The following TNRC6C variants were observed in gnomAD, a reference collection of about 807,000 sequenced individuals.
TNRC6C encodes trinucleotide repeat containing adaptor 6C.
Under a neutral mutation model 153.7 loss-of-function variants are expected in TNRC6C, and 20 were observed. The ratio of observed to expected loss-of-function variants is 0.13; its 90% confidence interval spans 0.09 to 0.19. The LOEUF is 0.19. TNRC6C is among the 10% of genes least tolerant of loss of function. TNRC6C has a pLI of 1.00. For missense variants in TNRC6C, 1,987 were observed against 2,172.0 expected (o/e 0.91, Z 1.69); for synonymous variants, 811 against 841.4 (o/e 0.96, Z 0.63).
chr17:78,104,678 C>G lies in TNRC6C; in HGVS notation c.4906C>G (p.Pro1636Ala). The G allele has an allele frequency of 1.3e-6, 2 of 1,542,416 alleles. No individual in the cohort carries two copies. Among genetic ancestry groups the G allele is most frequent in the East Asian group, 2.5e-5 (1 of 40,814 alleles). The change falls in exon 20 of 20, where the codon CCG becomes GCG. Residue 1636 changes from proline (P) to alanine (A), a missense_variant. Pro to Ala is a conservative substitution (Grantham distance 27). This residue lies in a region of TNRC6C where 139 missense variants were observed against 148.5 expected (regional missense o/e 0.94). Coordinates refer to ENST00000301624, the Ensembl canonical transcript of TNRC6C. This position sits in a 1 kb window ranked among gnomAD's most constrained non-coding sequence, Gnocchi z 6.2. ...CAGCGACGCTGGCCACTGGAACGCC[C>G]CGTGCCTGGGTGGCAAGGGGAGCAG...
Position 78,102,459 on chromosome 17 carries a change from C to T in TNRC6C, c.4502-15C>T, listed in dbSNP as rs533443310. 1.9e-6 allele frequency: 3 copies of T among 1,601,842 alleles called. No homozygotes were observed. In the South Asian group the frequency reaches 3.4e-5, roughly 18 times the overall value. On this transcript the variant is annotated splice_polypyrimidine_tract_variant and intron_variant, in intron 17 of 19. Coordinates refer to ENST00000301624, the Ensembl canonical transcript of TNRC6C. ...CACGGGGCCTTGTCAACCAGGTTCT[C>T]CCCTCTTGTTGCAGGTTCTGCCTGG...
chr17:78,093,374 G>A, intron 15 of TNRC6C: 1 of 664,166 alleles, frequency 1.5e-6, no homozygotes, highest in Non-Finnish European at 2.5e-6. Context: ...GAAGCACACT[G>A]CACACTATCC....
chr17:78,003,672 G>A (rs911076972), upstream of TNRC6C, among the ~76,000 whole-genome samples: 1 of 152,128 alleles, frequency 6.6e-6, no homozygotes, highest in Non-Finnish European at 1.5e-5. Flanking sequence ...AGAACTGAAA[G>A]GTATGAGCTG....
At chr17:78,097,144 G>A (rs2073501992) in intron 16 of TNRC6C, among the ~76,000 whole-genome samples, 1 of 152,194 alleles carries the variant, frequency 6.6e-6, no homozygotes, top group South Asian at 2.1e-4. Context: ...AGCCCAGGAG[G>A]TTGAGGCTGC....
chr17:78,013,591 T>TA (rs1354309887), intron 1 of TNRC6C, among the ~76,000 whole-genome samples: 2 of 152,218 alleles, frequency 1.3e-5, no homozygotes, highest in Non-Finnish European at 2.9e-5. Flanking sequence ...AGCTGAGTCT[T>TA]ATGAGGAATG....
upstream of TNRC6C, among the ~76,000 whole-genome samples, chr17:78,000,732 A>G (rs1187850788): frequency 2.0e-5 from 3 of 151,194 alleles, no homozygotes; most frequent in Non-Finnish European, 1.5e-5. Flanking sequence ...GGTGAAACTA[A>G]GGACGAGAAA....
intron 1 of TNRC6C, among the ~76,000 whole-genome samples, chr17:77,989,919 A>T (rs1567903463): frequency 6.6e-6 from 1 of 152,150 alleles, no homozygotes; most frequent in Non-Finnish European, 1.5e-5. Flanking sequence ...TTCTGCATTA[A>T]CATCTCCTGA....
rs147521827 is a variant in TNRC6C, at chr17:77,989,008, C to T, written c.-37-15162C>T. Among the ~76,000 whole-genome samples, 34 of 152,298 alleles carry T rather than the reference C, an allele frequency of 2.2e-4. No individual in the cohort carries two copies. The East Asian group carries it at 5.0e-3, about 22-fold the overall frequency. ...ATTGAATGAAAGATTGAATTTTCAC[C>T]GGGTGGAAGTATCTACAACTAGAAG... On this transcript the variant is annotated intron_variant, in intron 1 of 22. Transcript: ENST00000636222.
At chr17:77,964,134 T>C (rs1567892303) in intron 1 of TNRC6C, among the ~76,000 whole-genome samples, 1 of 152,206 alleles carries the variant, frequency 6.6e-6, no homozygotes, top group Non-Finnish European at 1.5e-5. Context: ...ATGAACCTTT[T>C]TGGCATAACA....
intron 2 of TNRC6C, among the ~76,000 whole-genome samples, chr17:78,033,920 C>T (rs560106868): frequency 1.1e-4 from 17 of 152,186 alleles, no homozygotes; most frequent in Non-Finnish European, 1.8e-4. Context: ...CCTTCACTGA[C>T]GAGGGGTCCC....
chr17:78,077,481 C>CAA, intron 9 of TNRC6C, 147 bp downstream of exon 11: 2 of 1,059,186 alleles, frequency 1.9e-6, no homozygotes, highest in Non-Finnish European at 2.7e-6. Context: ...ACCAGGATTT[C>CAA]CCTTCAGGTG....
At chr17:77,962,022 GAC>G (rs929839080) in intron 1 of TNRC6C, among the ~76,000 whole-genome samples, 2 of 152,146 alleles carry the variant, frequency 1.3e-5, no homozygotes, top group Admixed American at 6.5e-5. Context: ...AGAAATGGAA[GAC>G]ACAGTTCCTG....
intron 12 of TNRC6C, 129 bp from the exon 15 acceptor site, chr17:78,086,724 G>C (rs1480410448): frequency 6.4e-7 from 1 of 1,567,590 alleles, no homozygotes; most frequent in Non-Finnish European, 8.7e-7. Flanking sequence ...GTTCAGCTAG[G>C]TTTGGGAGGA....
intron 1 of TNRC6C, among the ~76,000 whole-genome samples, chr17:77,982,088 A>G (rs2071086973): frequency 6.6e-6 from 1 of 152,206 alleles, no homozygotes; most frequent in African/African-American, 2.4e-5. Context: ...CCATATGGGG[A>G]CACAGCAAGA....
intron 1 of TNRC6C, among the ~76,000 whole-genome samples, chr17:77,991,904 G>A (rs146437041): frequency 0.014 from 2,100 of 152,256 alleles, 34 homozygotes; most frequent in Non-Finnish European, 0.02. Context: ...GTTGAATGAC[G>A]ACAGCTCTGT....
chr17:78,067,985 A>G (rs1361107214), intron 5 of TNRC6C, 62 bp downstream of exon 7: 8 of 1,523,542 alleles, frequency 5.3e-6, no homozygotes, highest in Non-Finnish European at 7.0e-6. Flanking sequence ...AGACACATTC[A>G]GTATCCAGTT....
intron 1 of TNRC6C, among the ~76,000 whole-genome samples, chr17:78,029,879 AT>A (rs2072028571): frequency 6.6e-6 from 1 of 151,830 alleles, no homozygotes; most frequent in Non-Finnish European, 1.5e-5. Context: ...CAGTATCACT[AT>A]CTTCCACCTC....
intron 1 of TNRC6C, among the ~76,000 whole-genome samples, chr17:78,010,635 G>T (rs1207894665): frequency 3.9e-5 from 6 of 152,170 alleles, no homozygotes; most frequent in Non-Finnish European, 8.8e-5. Context: ...AAGGCTGAAG[G>T]AAATTCCTAA....
Position 78,077,340 on chromosome 17 carries a change from G to A in TNRC6C, c.3210+6G>A. 3 of 1,568,502 alleles carry A rather than the reference G, an allele frequency of 1.9e-6. 1 individual carries two copies. The South Asian group carries it at 3.5e-5, about 18-fold the overall frequency. On this transcript the variant is annotated splice_donor_region_variant and intron_variant, in intron 9 of 19. Coordinates refer to ENST00000301624, the Ensembl canonical transcript of TNRC6C. ...ACTTGAATTCTTCTAGACAGGTAAG[G>A]CTGTTTGGAGAGAGCAAAACATGGC... is the stretch of plus-strand genomic sequence containing the variant.
Sources: allele counts gnomAD v4.1 joint callset (sites outside exome capture counted in the v4.1 genomes callset), GRCh38; gene constraint gnomAD v4.1.1; regional missense constraint gnomAD v4.1.1; non-coding constraint Gnocchi (gnomAD v3.1); transcripts MANE v1.5; gene names NCBI Gene and HGNC (gene_info 2026-07-23, HGNC 2026-07-21).